ANO5: variants seen among roughly 807,000 people sequenced by gnomAD.
ANO5 encodes the protein anoctamin 5.
Under a neutral mutation model 121.0 loss-of-function variants are expected in ANO5, and 109 were observed. That is an observed-to-expected ratio of 0.90 (90% CI 0.77 to 1.06). ANO5 has a LOEUF of 1.06. ANO5 is among the 50% of genes least tolerant of loss of function. ANO5 has a pLI of 0.00. For synonymous variants in ANO5, 406 were observed against 359.9 expected, an observed-to-expected ratio of 1.13 and a Z score of -1.45; for missense variants, 1,064 against 1,078.5, an observed-to-expected ratio of 0.99 and a Z score of 0.19.
Position 22,274,737 on chromosome 11 carries a change from A to C in ANO5, c.2404A>C (p.Ile802Leu), listed in dbSNP as rs1329564934. 1 of 1,613,350 alleles carries C rather than the reference A, an allele frequency of 6.2e-7. No homozygotes were observed. The highest frequency in any genetic ancestry group is 1.1e-5 in the South Asian group (1 of 91,062). The change falls in exon 20 of 22, where the codon ATC (isoleucine) becomes CTC (leucine). Residue 802 changes from isoleucine (I) to leucine (L), a missense_variant. Transcript: ENST00000324559. ...HTAPSEKRDF[I>L]TCRYRDYRYP... Reference sequence around the variant, plus strand: ...TGCACCTTCGGAAAAACGAGACTTCATCACTTGCAGGTGATTTGTTTGTTT... The same window carrying C: ...TGCACCTTCGGAAAAACGAGACTTCCTCACTTGCAGGTGATTTGTTTGTTT...
rs1289691512 is a variant in ANO5 at position 22,259,710 on chromosome 11, T to C, written c.1599T>C (p.Tyr533=). ...FIVILILNFF[Y]EKISAWITKM... ...TCATCTTGATCTTGAATTTCTTTTA[T>C]GAAAAGATATCTGCCTGGATCACAA... Residue 533 remains tyrosine, a synonymous_variant, in exon 15 of 22, where the codon TAT becomes TAC. Coordinates refer to ENST00000324559, the MANE Select transcript of ANO5 (RefSeq NM_213599.3). 1 of 1,613,866 alleles carries C rather than the reference T, an allele frequency of 6.2e-7. No individual in the cohort carries two copies. The highest frequency in any genetic ancestry group is 2.2e-5 in the East Asian group (1 of 44,836).
chr11:22,223,622 T>C (rs919492134), intron 5 of ANO5, among the ~76,000 whole-genome samples: 1 of 152,038 alleles, frequency 6.6e-6, no homozygotes, highest in Non-Finnish European at 1.5e-5. Context: ...TCCCAGACAC[T>C]AGGACCAACC....
At chr11:22,193,564 G>A in intron 1 of ANO5, 32 bp downstream of exon 1, 1 of 1,607,518 alleles carries the variant, frequency 6.2e-7, no homozygotes, top group Non-Finnish European at 8.5e-7. Context: ...TCAAGGGAGA[G>A]CCAGGCTGGC....
At chr11:22,217,863 C>T (rs1368655963) in intron 3 of ANO5, among the ~76,000 whole-genome samples, 1 of 151,836 alleles carries the variant, frequency 6.6e-6, no homozygotes, top group Non-Finnish European at 1.5e-5. Flanking sequence ...ATAATCTGTA[C>T]AACCAATCCC....
upstream of ANO5, chr11:22,193,017 G>A (rs1397280538): frequency 2.0e-6 from 2 of 985,366 alleles, no homozygotes; most frequent in East Asian, 2.3e-4. Context: ...GCGGTCTGGA[G>A]GCGGGGAAAG....
At chr11:22,253,812 C>G (rs530140882) in intron 12 of ANO5, among the ~76,000 whole-genome samples, 1 of 152,204 alleles carries the variant, frequency 6.6e-6, no homozygotes, top group East Asian at 1.9e-4. Context: ...GGCTGAATTA[C>G]TTTTTGACTG....
intron 3 of ANO5, among the ~76,000 whole-genome samples, chr11:22,211,953 AAAC>A (rs1288086909): frequency 6.6e-6 from 1 of 150,742 alleles, no homozygotes; most frequent in Admixed American, 6.7e-5. Context: ...GATCAAATTA[AAAC>A]AATTGAAATG....
intron 20 of ANO5, 138 bp from the exon 21 acceptor site, chr11:22,275,956 A>T (rs568241623): frequency 3.4e-5 from 22 of 641,976 alleles, no homozygotes; most frequent in East Asian, 1.7e-4. Context: ...ATGTTTCATA[A>T]TATCAGTTAA....
chr11:22,218,204 T>C (rs930259307), intron 3 of ANO5, 42 bp from the exon 4 acceptor site: 13 of 1,611,606 alleles, frequency 8.1e-6, no homozygotes, highest in Non-Finnish European at 1.1e-5. Context: ...TTTACTGTAA[T>C]TCTGGGCAGG....
chr11:22,254,835 A>G (rs1853941490), intron 12 of ANO5, among the ~76,000 whole-genome samples: 1 of 152,010 alleles, frequency 6.6e-6, no homozygotes, highest in Admixed American at 6.6e-5. Context: ...GGAGTTCAAG[A>G]CCAGCCTGGG....
chr11:22,228,081 G>T (rs1852907707), intron 7 of ANO5, among the ~76,000 whole-genome samples: 1 of 151,776 alleles, frequency 6.6e-6, no homozygotes, highest in Admixed American at 6.6e-5. Context: ...TGTTTTCTCT[G>T]CATTTGAAGT....
chr11:22,220,813 A>G (rs2133587145), intron 4 of ANO5, among the ~76,000 whole-genome samples: 1 of 152,116 alleles, frequency 6.6e-6, no homozygotes, highest in East Asian at 1.9e-4. Context: ...CAGTCTCTGA[A>G]TGTGCATTTT....
At chr11:22,228,120 A>G (rs1268142400) in intron 7 of ANO5, among the ~76,000 whole-genome samples, 1 of 151,304 alleles carries the variant, frequency 6.6e-6, no homozygotes, top group Admixed American at 6.6e-5. Context: ...CCCATTGAAA[A>G]CCTCTCTCAG....
chr11:22,239,525 C>G, intron 8 of ANO5, 44 bp from the exon 9 acceptor site: 1 of 1,408,530 alleles, frequency 7.1e-7, no homozygotes, highest in Non-Finnish European at 1.0e-6. Context: ...TCGTCTTTGT[C>G]TTTTGCTTCG....
chr11:22,225,869 A>G, intron 5 of ANO5, 115 bp from the exon 6 acceptor site: 1 of 746,798 alleles, frequency 1.3e-6, no homozygotes, highest in Non-Finnish European at 2.3e-6. Context: ...ATATACAACC[A>G]TGGGAGGGGC....
Position 22,220,992 on chromosome 11 carries a change from G to C in ANO5, c.181-105G>C, listed in dbSNP as rs1004951619. 5.0e-6 allele frequency: 4 copies of C among 800,838 alleles called. No homozygotes were observed. In the African/African-American group the frequency reaches 6.9e-5, roughly 14 times the overall value. 49.6% of individuals were successfully genotyped at this position (800,838 alleles called of 1,614,324 possible). A position where few individuals can be genotyped will look rare whatever the true frequency, so the allele number is the denominator to read the frequency against. On this transcript the variant is annotated intron_variant, in intron 4 of 21. Transcript: ENST00000324559. The stretch of plus-strand genomic sequence containing the variant: ...AGCATAATCTGTTGCTGAAAACTCT[G>C]GTTATTTGTCTTGATTTGACTAAAT...
intron 19 of ANO5, among the ~76,000 whole-genome samples, chr11:22,274,073 G>C (rs573329966): frequency 1.8e-4 from 27 of 151,674 alleles, no homozygotes; most frequent in Non-Finnish European, 3.4e-4. Context: ...CATTCCCATG[G>C]AATCAAATAC....
chr11:22,221,348 TGTAAAG>T (rs1420799288), intron 5 of ANO5, 138 bp downstream of exon 5: 1 of 738,622 alleles, frequency 1.4e-6, no homozygotes, highest in Non-Finnish European at 2.3e-6. Flanking sequence ...ATGAGATAAC[TGTAAAG>T]TAGGCAGCCT....
At chr11:22,266,427 T>C (rs1277783968) in intron 17 of ANO5, among the ~76,000 whole-genome samples, 1 of 152,198 alleles carries the variant, frequency 6.6e-6, no homozygotes, top group Admixed American at 6.5e-5. Flanking sequence ...TAATCCACAT[T>C]TGCTACAGTA....
Sources: allele counts gnomAD v4.1 joint callset (sites outside exome capture counted in the v4.1 genomes callset), GRCh38; gene constraint gnomAD v4.1.1; transcripts MANE v1.5; gene names NCBI Gene and HGNC (gene_info 2026-07-23, HGNC 2026-07-21).